FGD4: variants seen among roughly 807,000 people sequenced by gnomAD.
FGD4 encodes FYVE, RhoGEF and PH domain containing 4.
A neutral mutation model predicts 102.0 loss-of-function variants in FGD4; 42 were observed. The ratio of observed to expected loss-of-function variants is 0.41; its 90% CI spans 0.32 to 0.53. FGD4 has a LOEUF of 0.53. Ranked by LOEUF, FGD4 falls within the 20% of genes least tolerant of loss-of-function variation. The pLI is 0.21. For synonymous variants in FGD4, 380 were observed against 375.7 expected (o/e 1.01, Z -0.13); for missense variants, 902 against 1,078.2 (o/e 0.84, Z 2.29).
At chr12:32,529,776 G>C (rs1941616272) in intron 1 of FGD4, among the ~76,000 whole-genome samples, 2 of 150,768 alleles carry the variant, frequency 1.3e-5, no homozygotes, top group East Asian at 4.0e-4. Flanking sequence ...CTGGGAGGCG[G>C]AAGTTGCAGT....
intron 1 of FGD4, among the ~76,000 whole-genome samples, chr12:32,548,644 G>A (rs555475209): frequency 5.3e-5 from 8 of 152,312 alleles, no homozygotes; most frequent in Non-Finnish European, 7.3e-5. Context: ...AGAAATGAGG[G>A]AGGTGGAGAG....
In FGD4 at chr12:32,453,993, A is replaced by G. The variant is rs146861392; in HGVS notation, c.166+54034A>G. Reference sequence around the variant, plus strand: ...TGTAAGTGGACTCTTGCCACCAGGGAAAGATTGTGGACTCGATTTCTGTGA... The same window carrying G: ...TGTAAGTGGACTCTTGCCACCAGGGGAAGATTGTGGACTCGATTTCTGTGA... On this transcript the variant is annotated intron_variant, in intron 1 of 16. Coordinates refer to ENST00000534526, the MANE Select transcript of FGD4 (RefSeq NM_001370298.3). Among the ~76,000 whole-genome samples the G allele has an allele frequency of 6.1e-3, 930 of 152,286 alleles. 5 individuals carry two copies. The highest frequency in any genetic ancestry group is 9.7e-3 in the Non-Finnish European group (657 of 68,022).
intron 1 of FGD4, among the ~76,000 whole-genome samples, chr12:32,514,383 T>C (rs1009979184): frequency 1.4e-4 from 21 of 152,332 alleles, no homozygotes; most frequent in African/African-American, 5.1e-4. Flanking sequence ...AATAAACCTT[T>C]TCCCTCAGCC....
At chr12:32,521,711 G>T (rs17609576) in intron 1 of FGD4, among the ~76,000 whole-genome samples, 6,395 of 152,120 alleles carry the variant, frequency 0.042, 151 homozygotes, top group Non-Finnish European at 0.061. Flanking sequence ...TTTGCCATAG[G>T]TTACTCTAAT....
chr12:32,560,701 T>C (rs531120935), intron 1 of FGD4, among the ~76,000 whole-genome samples: 18 of 152,226 alleles, frequency 1.2e-4, no homozygotes, highest in African/African-American at 3.1e-4. Context: ...TTTTTTTTTC[T>C]TTTCTCAGAG....
intron 1 of FGD4, among the ~76,000 whole-genome samples, chr12:32,451,820 G>T (rs957659090): frequency 7.2e-5 from 4 of 55,254 alleles, no homozygotes; most frequent in African/African-American, 3.1e-4. Flanking sequence ...GGCAACAAAA[G>T]CGAAACTCCA....
chr12:32,419,382 G>A (rs1941544003), intron 1 of FGD4, among the ~76,000 whole-genome samples: 1 of 152,148 alleles, frequency 6.6e-6, no homozygotes, highest in South Asian at 2.1e-4. Context: ...CAGGGCCTTG[G>A]CGCTCTTTAG....
intron 1 of FGD4, among the ~76,000 whole-genome samples, chr12:32,466,867 CAAA>C (rs35375727): frequency 4.8e-5 from 3 of 62,798 alleles, no homozygotes; most frequent in African/African-American, 6.1e-5. Flanking sequence ...GAGTCTGTCT[CAAA>C]AAAAAAAAAA....
chr12:32,590,755 C>A (rs7315636), intron 4 of FGD4, among the ~76,000 whole-genome samples: 2 of 152,200 alleles, frequency 1.3e-5, no homozygotes, highest in Non-Finnish European at 2.9e-5. Context: ...ATGTGCAGTA[C>A]ATAGAATAGT....
intron 5 of FGD4, among the ~76,000 whole-genome samples, chr12:32,599,900 T>G (rs1221788833): frequency 6.6e-6 from 1 of 152,106 alleles, no homozygotes; most frequent in Non-Finnish European, 1.5e-5. Flanking sequence ...AAATGGTAGA[T>G]TGCCCATATA....
chr12:32,520,176 T>C (rs1940352464), intron 1 of FGD4, among the ~76,000 whole-genome samples: 1 of 152,172 alleles, frequency 6.6e-6, no homozygotes. Flanking sequence ...TCTCTCTTCA[T>C]GGCAGTCATT....
Position 32,576,564 on chromosome 12 carries a change from T to G in FGD4, c.503+115T>G, listed in dbSNP as rs552886155. 2.5e-6 allele frequency: 3 copies of G among 1,182,202 alleles called. No homozygotes were observed. The South Asian group carries it at 3.9e-5, about 15-fold the overall frequency. The allele number at this position is 1,182,202 out of a possible 1,614,324, so 73.2% of individuals were successfully genotyped here. On this transcript the variant is annotated intron_variant, in intron 3 of 16. Transcript: ENST00000534526. ...AGCATAATATCTTATTCCATTAGGT[T>G]TGGTAGGCCTTCAGAAAGGGTGAAT... is the stretch of plus-strand genomic sequence containing the variant.
At chr12:32,453,630 G>C (rs1182738117) in intron 1 of FGD4, among the ~76,000 whole-genome samples, 1 of 152,170 alleles carries the variant, frequency 6.6e-6, no homozygotes, top group Admixed American at 6.5e-5. Flanking sequence ...ATGGTGTTCA[G>C]ACAGATAATT....
chr12:32,636,176 A>G (rs1431506232), intron 15 of FGD4, among the ~76,000 whole-genome samples: 1 of 152,162 alleles, frequency 6.6e-6, no homozygotes, highest in Non-Finnish European at 1.5e-5. Context: ...CTCATGGGCC[A>G]TACAAAAACA....
At chr12:32,430,829 G>A (rs1342450360) in intron 1 of FGD4, among the ~76,000 whole-genome samples, 1 of 152,212 alleles carries the variant, frequency 6.6e-6, no homozygotes, top group Non-Finnish European at 1.5e-5. Context: ...ACTGACTAGG[G>A]TGCTAATTAG....
chr12:32,625,189 C>G, intron 13 of FGD4, 121 bp downstream of exon 13: 2 of 730,386 alleles, frequency 2.7e-6, no homozygotes, highest in Non-Finnish European at 2.4e-6. Flanking sequence ...GCTGGTTAGA[C>G]AGAATCTCAT....
chr12:32,510,467 G>A (rs1437232449), intron 1 of FGD4, among the ~76,000 whole-genome samples: 1 of 151,906 alleles, frequency 6.6e-6, no homozygotes. Flanking sequence ...CTTTTGTTTT[G>A]TTCTTTACAA....
chr12:32,507,789 G>T (rs1424892846), intron 1 of FGD4, among the ~76,000 whole-genome samples: 1 of 152,162 alleles, frequency 6.6e-6, no homozygotes, highest in African/African-American at 2.4e-5. Flanking sequence ...AACTTGTGGG[G>T]TTATCCTGGG....
At chr12:32,601,172 C>G in intron 5 of FGD4, 106 bp from the exon 6 acceptor site, 2 of 1,154,512 alleles carry the variant, frequency 1.7e-6, no homozygotes, top group South Asian at 1.4e-5. Context: ...GTAAACTTTT[C>G]CATTTGCTCA....
Sources: allele counts gnomAD v4.1 joint callset (sites outside exome capture counted in the v4.1 genomes callset), GRCh38; gene constraint gnomAD v4.1.1; transcripts MANE v1.5; gene names NCBI Gene and HGNC (gene_info 2026-07-23, HGNC 2026-07-21).